Variants in PRLR observed in about 807,000 individuals in gnomAD.
PRLR encodes the protein prolactin receptor.
Under a neutral mutation model 40.2 loss-of-function variants are expected in PRLR, and 13 were observed. The observed-to-expected ratio is 0.32, with a 90% CI of 0.21 to 0.51. PRLR has a LOEUF of 0.51. PRLR is among the 20% of genes least tolerant of loss of function. The probability of loss-of-function intolerance (pLI) is 0.97; values close to 1 mark genes in which losing one functional copy is unlikely to be tolerated. For synonymous variants in PRLR, 269 were observed against 278.7 expected (o/e 0.97, Z 0.35); for missense variants, 656 against 747.3 (o/e 0.88, Z 1.42).
intron 1 of PRLR, among the ~76,000 whole-genome samples, chr5:35,152,456 G>GT (rs1554052460): frequency 2.8e-4 from 43 of 151,974 alleles, no homozygotes; most frequent in Non-Finnish European, 6.3e-4. Context: ...AGTAAATATT[G>GT]CCCCTCCCAC....
intron 1 of PRLR, among the ~76,000 whole-genome samples, chr5:35,129,618 A>C (rs1440479012): frequency 6.6e-6 from 1 of 152,152 alleles, no homozygotes; most frequent in East Asian, 1.9e-4. Context: ...CACCCTCTCT[A>C]TCATTCAGAA....
At chr5:35,156,098 G>A (rs1202249190) in intron 1 of PRLR, among the ~76,000 whole-genome samples, 1 of 140,384 alleles carries the variant, frequency 7.1e-6, no homozygotes, top group Non-Finnish European at 1.5e-5. Context: ...AATTTAAAAT[G>A]TTGTCTCCAT....
chr5:35,105,721 C>A (rs1233870993), intron 2 of PRLR, among the ~76,000 whole-genome samples: 1 of 152,090 alleles, frequency 6.6e-6, no homozygotes, highest in South Asian at 2.1e-4. Context: ...AAATACGGGA[C>A]TATGTGAAAA....
chr5:35,197,464 C>T lies in PRLR; in HGVS notation c.-106+32804G>A, dbSNP rs928911753. Among the ~76,000 whole-genome samples, 3 of 152,308 alleles carry T rather than the reference C, an allele frequency of 2.0e-5. No individual in the cohort carries two copies. The East Asian group carries it at 5.8e-4, about 29-fold the overall frequency. On this transcript the variant is annotated intron_variant, in intron 1 of 9. Coordinates refer to ENST00000618457, the MANE Select transcript of PRLR (RefSeq NM_000949.7). ...CCTCATTGCTCAGATCTGGGAGTGACCCCCGATTGGTGCTTAGGTGAATGA... is the reference window on the plus strand; with the variant it reads ...CCTCATTGCTCAGATCTGGGAGTGATCCCCGATTGGTGCTTAGGTGAATGA...
At chr5:35,126,552 T>G (rs975996850) in intron 1 of PRLR, among the ~76,000 whole-genome samples, 1 of 152,186 alleles carries the variant, frequency 6.6e-6, no homozygotes, top group African/African-American at 2.4e-5. Flanking sequence ...TCATTACATA[T>G]AGGCAGCATG....
At chr5:35,214,622 A>AG (rs1776242899) in intron 1 of PRLR, among the ~76,000 whole-genome samples, 1 of 152,236 alleles carries the variant, frequency 6.6e-6, no homozygotes, top group African/African-American at 2.4e-5. Flanking sequence ...TCAGTGGTAC[A>AG]GGCTTGAAGC....
intron 1 of PRLR, among the ~76,000 whole-genome samples, chr5:35,220,000 T>C (rs1776376527): frequency 6.6e-6 from 1 of 152,084 alleles, no homozygotes; most frequent in Admixed American, 6.5e-5. Flanking sequence ...ATCCAACACC[T>C]CTTCCACCTT....
chr5:35,153,948 T>G (rs1579739249), intron 1 of PRLR, among the ~76,000 whole-genome samples: 2 of 152,236 alleles, frequency 1.3e-5, no homozygotes, highest in Admixed American at 1.3e-4. Flanking sequence ...GATCCTTGCC[T>G]CCAGAAAGAG....
chr5:35,227,406 G>T (rs1776579580), intron 1 of PRLR, among the ~76,000 whole-genome samples: 1 of 152,172 alleles, frequency 6.6e-6, no homozygotes, highest in South Asian at 2.1e-4. Context: ...GGGGTGTGGG[G>T]TTGGGGGGTG....
intron 1 of PRLR, among the ~76,000 whole-genome samples, chr5:35,218,260 A>AT (rs930659658): frequency 7.2e-5 from 11 of 152,102 alleles, no homozygotes; most frequent in Non-Finnish European, 1.0e-4. Context: ...TTAAAATAAC[A>AT]TTTTTTTGAA....
intron 1 of PRLR, among the ~76,000 whole-genome samples, chr5:35,126,781 C>T (rs1243062409): frequency 6.6e-6 from 1 of 152,170 alleles, no homozygotes; most frequent in Admixed American, 6.5e-5. Context: ...TTAATATATG[C>T]TAATGATTAT....
At chr5:35,113,526 TATCCATCCATCCATCC>T (rs112802870) in intron 2 of PRLR, among the ~76,000 whole-genome samples, 1 of 137,436 alleles carries the variant, frequency 7.3e-6, no homozygotes, top group Admixed American at 7.1e-5. Flanking sequence ...TCCATTTATC[TATCCATCCATCCATCC>T]ATCCATCCAT....
At chr5:35,228,036 G>T (rs1369786557) in intron 1 of PRLR, among the ~76,000 whole-genome samples, 3 of 152,076 alleles carry the variant, frequency 2.0e-5, no homozygotes, top group African/African-American at 7.3e-5. Flanking sequence ...TCCTTTTTGT[G>T]CATAACTAGA....
At chr5:35,124,412 T>C (rs1383754976) in intron 1 of PRLR, among the ~76,000 whole-genome samples, 1 of 152,076 alleles carries the variant, frequency 6.6e-6, no homozygotes, top group African/African-American at 2.4e-5. Flanking sequence ...CTAGAGGGGT[T>C]AGCAACTTGG....
At chr5:35,216,228 AG>A (rs1196610099) in intron 1 of PRLR, among the ~76,000 whole-genome samples, 1 of 152,200 alleles carries the variant, frequency 6.6e-6, no homozygotes, top group Non-Finnish European at 1.5e-5. Flanking sequence ...TCCCTCACCT[AG>A]ATCACAGTGA....
At chr5:35,114,247 T>G (rs1268299082) in intron 2 of PRLR, among the ~76,000 whole-genome samples, 5 of 152,194 alleles carry the variant, frequency 3.3e-5, no homozygotes, top group African/African-American at 1.2e-4. Context: ...GCTGGTCCTG[T>G]CATTCATCAG....
At chr5:35,219,578 A>C (rs1167412687) in intron 1 of PRLR, among the ~76,000 whole-genome samples, 4 of 152,230 alleles carry the variant, frequency 2.6e-5, no homozygotes, top group Non-Finnish European at 4.4e-5. Flanking sequence ...TGACAGCAGG[A>C]AGGCCTTGGT....
At chr5:35,154,643 A>G (rs1681741775) in intron 1 of PRLR, among the ~76,000 whole-genome samples, 1 of 152,194 alleles carries the variant, frequency 6.6e-6, no homozygotes, top group Non-Finnish European at 1.5e-5. Context: ...TACCGAGTAT[A>G]TACCCAAAGG....
chr5:35,189,143 T>G (rs1330904846), intron 1 of PRLR, among the ~76,000 whole-genome samples: 6 of 152,196 alleles, frequency 3.9e-5, no homozygotes. Context: ...ATGGTGCTTC[T>G]GCAAGCCAAG....
Sources: allele counts gnomAD v4.1 joint callset (sites outside exome capture counted in the v4.1 genomes callset), GRCh38; gene constraint gnomAD v4.1.1; transcripts MANE v1.5; gene names NCBI Gene and HGNC (gene_info 2026-07-23, HGNC 2026-07-21).